The following CNTNAP2 variants were observed in gnomAD, a reference collection of about 807,000 sequenced individuals.
CNTNAP2 encodes contactin-associated protein-like 2.
In CNTNAP2, 98 loss-of-function variants were observed where a neutral mutation model predicts 155.2. That is an observed-to-expected ratio of 0.63 (90% CI 0.54 to 0.75). The LOEUF is 0.75. CNTNAP2 is among the 30% of genes least tolerant of loss of function. The pLI is 0.00. For missense variants in CNTNAP2, 1,727 were observed against 1,688.1 expected, an observed-to-expected ratio of 1.02 and a Z score of -0.40; for synonymous variants, 651 against 631.2, an observed-to-expected ratio of 1.03 and a Z score of -0.47.
intron 4 of CNTNAP2, among the ~76,000 whole-genome samples, chr7:147,076,094 G>A (rs532640787): frequency 2.6e-5 from 4 of 152,044 alleles, no homozygotes; most frequent in South Asian, 2.1e-4. Flanking sequence ...GTAAACATAC[G>A]TGTGCAAGTG....
chr7:146,610,930 A>G (rs1250755749), intron 1 of CNTNAP2, among the ~76,000 whole-genome samples: 1 of 152,210 alleles, frequency 6.6e-6, no homozygotes, highest in Non-Finnish European at 1.5e-5. Context: ...AAGAAAGTAT[A>G]TGAATGCAAA....
chr7:147,093,765 G>A (rs1341113751), intron 4 of CNTNAP2, among the ~76,000 whole-genome samples: 2 of 152,224 alleles, frequency 1.3e-5, no homozygotes, highest in East Asian at 1.9e-4. Flanking sequence ...AATCAGATGT[G>A]GGTGAGACTC....
rs188973263 is a variant in CNTNAP2 at position 146,595,252 on chromosome 7, A to G, written c.98-179019A>G. Reference sequence around the variant, plus strand: ...AGAAACATACTCTATATATTATTTCATCACTAGTGTTCCTTGAAACTGAAT... The same window carrying G: ...AGAAACATACTCTATATATTATTTCGTCACTAGTGTTCCTTGAAACTGAAT... On this transcript the variant is annotated intron_variant, in intron 1 of 23. Transcript: ENST00000361727. Among the ~76,000 whole-genome samples the G allele has an allele frequency of 7.1e-3, 1,075 of 152,220 alleles. 9 individuals are homozygous for G. Among genetic ancestry groups the G allele is most frequent in the Middle Eastern group, 0.017 (5 of 294 alleles).
chr7:147,493,001 T>TA lies in CNTNAP2; in HGVS notation c.1777+6968dup, dbSNP rs756449677. ...ATGTACCCCAGAACTTAAAGTATAA[T>TA]AAAAAAAAGTGCTTTTTAAATTCAG... On this transcript the variant is annotated intron_variant, in intron 11 of 23. Transcript: ENST00000361727. 2.7e-3 allele frequency among the ~76,000 whole-genome samples: 415 copies of TA among 152,060 alleles called. 1 individual carries two copies. Among genetic ancestry groups the TA allele is most frequent in the Non-Finnish European group, 4.6e-3 (316 of 67,964 alleles).
chr7:146,567,184 A>G (rs1445343905), intron 1 of CNTNAP2, among the ~76,000 whole-genome samples: 1 of 152,196 alleles, frequency 6.6e-6, no homozygotes, highest in Non-Finnish European at 1.5e-5. Context: ...AATGATAAGA[A>G]TGTGTCAGGA....
At chr7:146,847,317 A>G (rs1021567782) in intron 3 of CNTNAP2, among the ~76,000 whole-genome samples, 7 of 152,138 alleles carry the variant, frequency 4.6e-5, no homozygotes, top group Non-Finnish European at 8.8e-5. Context: ...AGGCCGTGGA[A>G]TGAGTAATTC....
At chr7:147,813,960 A>G (rs1217177719) in intron 13 of CNTNAP2, among the ~76,000 whole-genome samples, 2 of 152,196 alleles carry the variant, frequency 1.3e-5, no homozygotes, top group Admixed American at 1.3e-4. Context: ...TAAAAAGTCG[A>G]CAAGCTCAAA....
At chr7:147,448,078 A>G (rs971342535) in intron 10 of CNTNAP2, among the ~76,000 whole-genome samples, 3 of 152,162 alleles carry the variant, frequency 2.0e-5, no homozygotes, top group Non-Finnish European at 4.4e-5. Context: ...GCCCTTTGCC[A>G]TTAAATCACA....
chr7:146,792,307 T>G (rs1802689294), intron 2 of CNTNAP2, among the ~76,000 whole-genome samples: 1 of 152,178 alleles, frequency 6.6e-6, no homozygotes, highest in South Asian at 2.1e-4. Flanking sequence ...TCTGAACTAT[T>G]TATTTTAGGC....
chr7:148,249,655 C>T (rs912868672), intron 20 of CNTNAP2, among the ~76,000 whole-genome samples: 8 of 152,224 alleles, frequency 5.3e-5, no homozygotes, highest in African/African-American at 1.7e-4. Flanking sequence ...TTCCCACAAC[C>T]TGCCCTGCTT....
intron 8 of CNTNAP2, among the ~76,000 whole-genome samples, chr7:147,237,209 G>A (rs1461798756): frequency 6.6e-6 from 1 of 151,544 alleles, no homozygotes; most frequent in Non-Finnish European, 1.5e-5. Flanking sequence ...GGGACTACAG[G>A]CACATGCCAC....
chr7:146,717,350 A>T (rs1186270417), intron 1 of CNTNAP2, among the ~76,000 whole-genome samples: 1 of 85,436 alleles, frequency 1.2e-5, no homozygotes, highest in Non-Finnish European at 1.9e-5. Context: ...TAAAAAATTA[A>T]AAAAAAAAAA....
At chr7:147,039,565 G>A (rs1018275952) in intron 3 of CNTNAP2, among the ~76,000 whole-genome samples, 58 of 152,090 alleles carry the variant, frequency 3.8e-4, no homozygotes, top group African/African-American at 1.4e-3. Context: ...TGTATATGTA[G>A]CACATTTTCT....
intron 1 of CNTNAP2, among the ~76,000 whole-genome samples, chr7:146,208,026 T>C (rs1182548243): frequency 6.6e-6 from 1 of 152,052 alleles, no homozygotes; most frequent in Non-Finnish European, 1.5e-5. Flanking sequence ...GCTGTTGTAA[T>C]GTAGAAACAG....
intron 14 of CNTNAP2, among the ~76,000 whole-genome samples, chr7:147,926,629 A>G (rs1276029556): frequency 6.6e-6 from 1 of 152,252 alleles, no homozygotes; most frequent in Non-Finnish European, 1.5e-5. Context: ...ACTGGTATAC[A>G]GATTACAGTT....
intron 1 of CNTNAP2, among the ~76,000 whole-genome samples, chr7:146,372,961 T>G (rs938136923): frequency 2.6e-5 from 4 of 152,116 alleles, no homozygotes; most frequent in African/African-American, 9.7e-5. Context: ...ACAGATCACA[T>G]ATTACCTGAA....
intron 8 of CNTNAP2, among the ~76,000 whole-genome samples, chr7:147,286,047 G>A (rs1156533335): frequency 6.6e-6 from 1 of 151,926 alleles, no homozygotes; most frequent in Middle Eastern, 3.4e-3. Context: ...CCATACAGTT[G>A]GGCAAACTCC....
intron 5 of CNTNAP2, among the ~76,000 whole-genome samples, chr7:147,109,664 T>C (rs1266792243): frequency 6.6e-6 from 1 of 152,106 alleles, no homozygotes; most frequent in East Asian, 1.9e-4. Context: ...GAGGCAAATA[T>C]TGGGCTTAAC....
chr7:146,526,502 A>G (rs148493905), intron 1 of CNTNAP2, among the ~76,000 whole-genome samples: 41 of 152,258 alleles, frequency 2.7e-4, no homozygotes, highest in African/African-American at 9.9e-4. Context: ...ACACATTTCA[A>G]TGACTAGATC....
Sources: gnomAD v4.1 joint callset for allele counts (sites outside exome capture counted in the v4.1 genomes callset) on GRCh38, gnomAD v4.1.1 for gene constraint, MANE v1.5 for transcripts, NCBI Gene and HGNC (gene_info 2026-07-23, HGNC 2026-07-21) for gene names.